Variants in LONP2 observed in about 807,000 individuals in gnomAD.
The protein encoded by LONP2 is lon peptidase 2, peroxisomal, also known as lon protease homolog 2, peroxisomal.
A neutral mutation model predicts 85.6 loss-of-function variants in LONP2; 60 were observed. That is an observed-to-expected ratio of 0.70 (90% CI 0.57 to 0.87). LONP2 has a LOEUF of 0.87. Ranked by LOEUF, LONP2 falls within the 40% of genes least tolerant of loss-of-function variation. The pLI, the probability that LONP2 is intolerant of heterozygous loss-of-function variation, is 0.00. For missense variants in LONP2, 860 were observed against 1,063.5 expected, an observed-to-expected ratio of 0.81 and a Z score of 2.66; for synonymous variants, 395 against 389.7, an observed-to-expected ratio of 1.01 and a Z score of -0.16.
intron 6 of LONP2, among the ~76,000 whole-genome samples, chr16:48,264,900 T>TGTTCG (rs574916650): frequency 0.017 from 2,557 of 152,250 alleles, 56 homozygotes; most frequent in African/African-American, 0.057. Flanking sequence ...CGAACAACAG[T>TGTTCG]GTACAAGGGT....
chr16:48,331,310 C>T (rs182820440), intron 11 of LONP2, among the ~76,000 whole-genome samples: 20 of 152,182 alleles, frequency 1.3e-4, no homozygotes, highest in African/African-American at 3.1e-4. Flanking sequence ...TGGAATATAC[C>T]GGAAAAAGAG....
chr16:48,351,229 G>A (rs149638630), intron 14 of LONP2, among the ~76,000 whole-genome samples: 36 of 152,296 alleles, frequency 2.4e-4, no homozygotes, highest in Non-Finnish European at 4.7e-4. Context: ...TCAGAATCAC[G>A]TGCTGCTTTT....
chr16:48,362,334 T>C, downstream of LONP2: 2 of 1,614,164 alleles, frequency 1.2e-6, no homozygotes, highest in South Asian at 1.1e-5. The surrounding 1 kb of genome is among the most constrained non-coding windows in gnomAD (Gnocchi z 4.2). Context: ...CAAGTCATTG[T>C]TGGATGCAGT....
intron 4 of LONP2, among the ~76,000 whole-genome samples, chr16:48,260,458 G>A (rs117591204): frequency 2.6e-5 from 4 of 152,254 alleles, no homozygotes; most frequent in Non-Finnish European, 5.9e-5. Context: ...AAATTAGCCA[G>A]CATGCTGGTG....
chr16:48,304,453 C>T (rs1475404595), intron 11 of LONP2, among the ~76,000 whole-genome samples: 2 of 152,152 alleles, frequency 1.3e-5, no homozygotes, highest in Non-Finnish European at 2.9e-5. Context: ...CCTTTGATCC[C>T]AGCACTTTGG....
At chr16:48,269,293 A>G (rs2150975932) in intron 6 of LONP2, among the ~76,000 whole-genome samples, 1 of 151,940 alleles carries the variant, frequency 6.6e-6, no homozygotes, top group Admixed American at 6.6e-5. Flanking sequence ...AGTTCCAGTG[A>G]TGCACAGTTG....
intron 11 of LONP2, among the ~76,000 whole-genome samples, chr16:48,313,440 A>G (rs563370214): frequency 6.6e-6 from 1 of 152,234 alleles, no homozygotes. Flanking sequence ...TATTAAGCCC[A>G]GCATCCATTA....
At chr16:48,306,570 G>A (rs1178629694) in intron 11 of LONP2, among the ~76,000 whole-genome samples, 1 of 152,138 alleles carries the variant, frequency 6.6e-6, no homozygotes, top group Non-Finnish European at 1.5e-5. Context: ...TTGTCTCTTG[G>A]AGACGATTTT....
intron 11 of LONP2, among the ~76,000 whole-genome samples, chr16:48,329,320 G>A (rs1318040339): frequency 1.3e-5 from 2 of 152,154 alleles, no homozygotes; most frequent in Admixed American, 6.5e-5. Context: ...CCTGCTCTGT[G>A]TGACCCTGGA....
intron 11 of LONP2, among the ~76,000 whole-genome samples, chr16:48,305,036 CA>C (rs1274655607): frequency 7.2e-5 from 11 of 152,196 alleles, no homozygotes; most frequent in Non-Finnish European, 1.2e-4. Context: ...GCATCAGAGT[CA>C]GCTTTCACAG....
intron 6 of LONP2, among the ~76,000 whole-genome samples, chr16:48,268,408 T>C (rs868820315): frequency 6.6e-6 from 1 of 152,238 alleles, no homozygotes; most frequent in Middle Eastern, 3.4e-3. Flanking sequence ...AAGTACCTTT[T>C]TAGGTACAAG....
chr16:48,251,193 G>T (rs1378803354), intron 1 of LONP2, among the ~76,000 whole-genome samples: 2 of 152,118 alleles, frequency 1.3e-5, no homozygotes, highest in African/African-American at 4.8e-5. Flanking sequence ...GGCAGGTGTG[G>T]TGTTCTTCTA....
rs1959988724 is a variant in LONP2 at position 48,347,071 on chromosome 16, T to C, written c.1939-436T>C. The stretch of plus-strand genomic sequence containing the variant: ...TGGGAGGCAGAGGCAGGAGAATCAC[T>C]TGAAGCCAGGAGGCAGAGTTTTCAG... On this transcript the variant is annotated intron_variant, in intron 12 of 14. Coordinates refer to ENST00000285737, the MANE Select transcript of LONP2 (RefSeq NM_031490.5). 1.3e-5 allele frequency among the ~76,000 whole-genome samples: 2 copies of C among 152,156 alleles called. 1 individual carries two copies. The highest frequency in any genetic ancestry group is 2.9e-5 in the Non-Finnish European group (2 of 68,014).
At chr16:48,318,912 G>C (rs1973202639) in intron 11 of LONP2, among the ~76,000 whole-genome samples, 1 of 151,910 alleles carries the variant, frequency 6.6e-6, no homozygotes, top group Admixed American at 6.6e-5. Flanking sequence ...TTTAAGTGCA[G>C]CTCCTTCCTC....
At chr16:48,265,666 C>T (rs1050787985) in intron 6 of LONP2, among the ~76,000 whole-genome samples, 2 of 152,168 alleles carry the variant, frequency 1.3e-5, no homozygotes, top group Admixed American at 6.5e-5. Context: ...GGTGCCTCCA[C>T]GTTTGTTCTT....
intron 8 of LONP2, among the ~76,000 whole-genome samples, chr16:48,283,905 C>T (rs1327118611): frequency 6.6e-6 from 1 of 152,168 alleles, no homozygotes; most frequent in Non-Finnish European, 1.5e-5. Context: ...ATTCACCATT[C>T]TAGATGCCAT....
At position 48,356,466 on chromosome 16, in the gene LONP2, T is replaced by G. The variant is rs116063061; in HGVS notation, c.*4664T>G. ...AGTAACATGTTTAAGCTCACATTAT[T>G]TGAAGTACTTCAGTTCCTATTGCCA... On this transcript the variant is annotated 3_prime_UTR_variant, in exon 15 of 15. Transcript: ENST00000285737. The G allele has an allele frequency of 2.9e-3, 449 of 153,520 alleles. 6 individuals carry two copies. Among genetic ancestry groups the G allele is most frequent in the African/African-American group, 9.2e-3 (380 of 41,396 alleles). 9.5% of individuals were successfully genotyped at this position (153,520 alleles called of 1,614,324 possible). A position where few individuals can be genotyped will look rare whatever the true frequency, so the allele number is the denominator to read the frequency against.
intron 11 of LONP2, among the ~76,000 whole-genome samples, chr16:48,306,596 T>C (rs901601151): frequency 1.3e-5 from 2 of 152,186 alleles, no homozygotes; most frequent in Non-Finnish European, 2.9e-5. Flanking sequence ...TAGTCTTTAC[T>C]AGAGGCATAG....
intron 2 of LONP2, among the ~76,000 whole-genome samples, chr16:48,256,352 C>A (rs1428433842): frequency 6.6e-6 from 1 of 152,146 alleles, no homozygotes; most frequent in Non-Finnish European, 1.5e-5. Flanking sequence ...TAAAAATAAT[C>A]ATGGCACAGG....
Sources: allele counts gnomAD v4.1 joint callset (sites outside exome capture counted in the v4.1 genomes callset), GRCh38; gene constraint gnomAD v4.1.1; non-coding constraint Gnocchi (gnomAD v3.1); transcripts MANE v1.5; gene names NCBI Gene and HGNC (gene_info 2026-07-23, HGNC 2026-07-21).